Variants in PALLD observed in about 807,000 individuals in gnomAD.
PALLD encodes palladin.
A neutral mutation model predicts 123.5 loss-of-function variants in PALLD; 61 were observed. The observed-to-expected ratio is 0.49, with a 90% CI of 0.40 to 0.61. The LOEUF (loss-of-function observed/expected upper bound fraction) is 0.61. Ranked by LOEUF, PALLD falls within the 20% of genes least tolerant of loss-of-function variation. The pLI, the probability that PALLD is intolerant of heterozygous loss-of-function variation, is 0.00. For missense variants in PALLD, 1,273 were observed against 1,377.0 expected, an observed-to-expected ratio of 0.92 and a Z score of 1.20; for synonymous variants, 465 against 496.4, an observed-to-expected ratio of 0.94 and a Z score of 0.84.
chr4:168,786,721 A>G (rs942701850), intron 10 of PALLD, among the ~76,000 whole-genome samples: 1 of 152,234 alleles, frequency 6.6e-6, no homozygotes, highest in Non-Finnish European at 1.5e-5. Context: ...AGCAGTAAAT[A>G]TACTATGAAG....
intron 1 of PALLD, among the ~76,000 whole-genome samples, chr4:168,510,033 C>T (rs1033830080): frequency 2.6e-5 from 4 of 152,204 alleles, no homozygotes; most frequent in African/African-American, 9.6e-5. Flanking sequence ...GAATGTCCCA[C>T]CAAGTTTACT....
intron 2 of PALLD, among the ~76,000 whole-genome samples, chr4:168,635,488 T>TA (rs2149843144): frequency 6.6e-6 from 1 of 152,360 alleles, no homozygotes; most frequent in South Asian, 2.1e-4. Flanking sequence ...AGCATGAACT[T>TA]AAAGTATCTA....
intron 2 of PALLD, among the ~76,000 whole-genome samples, chr4:168,646,629 C>T (rs1476634946): frequency 6.6e-6 from 1 of 152,178 alleles, no homozygotes; most frequent in African/African-American, 2.4e-5. Context: ...AGATCTGGCC[C>T]ACAGCCACCA....
chr4:168,750,566 T>C (rs1007304667), intron 10 of PALLD, among the ~76,000 whole-genome samples: 3 of 152,216 alleles, frequency 2.0e-5, no homozygotes, highest in Non-Finnish European at 4.4e-5. Flanking sequence ...GGCCACTATT[T>C]AGTATGCTTT....
At chr4:168,548,750 C>A (rs967613977) in intron 2 of PALLD, among the ~76,000 whole-genome samples, 1 of 152,150 alleles carries the variant, frequency 6.6e-6, no homozygotes, top group Non-Finnish European at 1.5e-5. Context: ...TTAAAACTAT[C>A]TTACATGTTT....
intron 20 of PALLD, 25 bp from the exon 21 acceptor site, chr4:168,925,207 TG>T: frequency 7.1e-7 from 1 of 1,402,540 alleles, no homozygotes. Flanking sequence ...AAATTCATAT[TG>T]CTCTCTCTCT....
intron 10 of PALLD, among the ~76,000 whole-genome samples, chr4:168,854,617 A>G (rs1333860185): frequency 6.6e-6 from 1 of 152,166 alleles, no homozygotes; most frequent in Non-Finnish European, 1.5e-5. Context: ...CAGCAGGTTC[A>G]GCTGCCTTTG....
chr4:168,586,907 C>T (rs1021404548), intron 2 of PALLD, among the ~76,000 whole-genome samples: 4 of 152,122 alleles, frequency 2.6e-5, no homozygotes, highest in Non-Finnish European at 4.4e-5. Context: ...GGAGACATAG[C>T]TAGGGGTACC....
At chr4:168,553,145 CTTACTTA>C (rs1423106115) in intron 2 of PALLD, among the ~76,000 whole-genome samples, 1 of 152,088 alleles carries the variant, frequency 6.6e-6, no homozygotes, top group East Asian at 1.9e-4. Flanking sequence ...GTCACCCAAG[CTTACTTA>C]GCCAGTAAGT....
intron 14 of PALLD, among the ~76,000 whole-genome samples, chr4:168,899,052 A>G (rs1053892605): frequency 6.6e-6 from 1 of 152,074 alleles, no homozygotes; most frequent in African/African-American, 2.4e-5. Context: ...AGAGCTGGTG[A>G]GTGGCCAGGC....
intron 10 of PALLD, among the ~76,000 whole-genome samples, chr4:168,870,430 A>G (rs950521334): frequency 1.3e-5 from 2 of 152,208 alleles, no homozygotes; most frequent in African/African-American, 4.8e-5. Context: ...CTTTTGTAAG[A>G]TTTACCATGG....
chr4:168,874,558 C>G (rs1195018589), intron 10 of PALLD, among the ~76,000 whole-genome samples: 1 of 152,076 alleles, frequency 6.6e-6, no homozygotes, highest in Non-Finnish European at 1.5e-5. Flanking sequence ...AAAACCTTAA[C>G]TGATGATTCA....
Position 168,914,009 on chromosome 4 carries a change from CTCA to C in PALLD, c.2707_2709del (p.His903del). ...AGTCCCCGGTCTCCCTCAGGCCATC[CTCA>C]TGTCAGAAGGTATTTAACATGTTCC... On this transcript the variant is annotated inframe_deletion, in exon 16 of 22. Transcript: ENST00000505667. The C allele has an allele frequency of 6.3e-7, 1 of 1,598,850 alleles. No homozygotes were observed. Among genetic ancestry groups the C allele is most frequent in the Non-Finnish European group, 8.6e-7 (1 of 1,166,210 alleles).
At chr4:168,536,543 C>T (rs1026226182) in intron 2 of PALLD, 10 of 152,308 alleles carry the variant, frequency 6.6e-5, no homozygotes, top group Non-Finnish European at 1.2e-4. Flanking sequence ...TCTCAGGAAA[C>T]TTACAATTAT....
At chr4:168,670,426 CA>C (rs1780074765) in intron 3 of PALLD, among the ~76,000 whole-genome samples, 1 of 152,150 alleles carries the variant, frequency 6.6e-6, no homozygotes, top group South Asian at 2.1e-4. Context: ...CAGATAAACA[CA>C]TTTTTTTAAA....
At chr4:168,824,967 G>A (rs1190355808) in intron 10 of PALLD, among the ~76,000 whole-genome samples, 11 of 151,848 alleles carry the variant, frequency 7.2e-5, no homozygotes, top group East Asian at 5.8e-4. Context: ...GACTACAGAC[G>A]CACACCACCA....
At chr4:168,819,771 G>T (rs891300561) in intron 10 of PALLD, among the ~76,000 whole-genome samples, 2 of 152,202 alleles carry the variant, frequency 1.3e-5, no homozygotes, top group Admixed American at 6.5e-5. Flanking sequence ...GAGAAGCAAA[G>T]AAGTAAATAT....
chr4:168,782,044 G>A (rs1225083976), intron 10 of PALLD, among the ~76,000 whole-genome samples: 1 of 152,148 alleles, frequency 6.6e-6, no homozygotes, highest in African/African-American at 2.4e-5. Context: ...ATTATCTGAT[G>A]TTACTAGCCA....
intron 2 of PALLD, among the ~76,000 whole-genome samples, chr4:168,655,944 G>T (rs576964018): frequency 6.6e-6 from 1 of 152,314 alleles, no homozygotes; most frequent in East Asian, 1.9e-4. Flanking sequence ...CCATAGAGTC[G>T]AAGACACCAA....
Sources: gnomAD v4.1 joint callset for allele counts (sites outside exome capture counted in the v4.1 genomes callset) on GRCh38, gnomAD v4.1.1 for gene constraint, MANE v1.5 for transcripts, NCBI Gene and HGNC (gene_info 2026-07-23, HGNC 2026-07-21) for gene names.